The following ABCG8 variants were observed in gnomAD, a reference collection of about 807,000 sequenced individuals.
ABCG8 encodes the protein ATP-binding cassette sub-family G member 8.
In ABCG8, 81 loss-of-function variants were observed where a neutral mutation model predicts 71.3. The ratio of observed to expected loss-of-function variants is 1.14; its 90% CI spans 0.95 to 1.37. The LOEUF (loss-of-function observed/expected upper bound fraction) is 1.37, where lower values mean the gene tolerates loss of function less well. Ranked by LOEUF, ABCG8 falls within the 40% of genes most tolerant of loss-of-function variation. The probability of loss-of-function intolerance (pLI) is 0.00; values close to 1 mark genes in which losing one functional copy is unlikely to be tolerated. For missense variants in ABCG8, 1,119 were observed against 866.2 expected, an observed-to-expected ratio of 1.29 and a Z score of -3.66; for synonymous variants, 451 against 354.7, an observed-to-expected ratio of 1.27 and a Z score of -3.05.
intron 6 of ABCG8, among the ~76,000 whole-genome samples, chr2:43,862,086 T>A (rs57358917): frequency 0.046 from 6,960 of 150,110 alleles, 1 homozygote; most frequent in Middle Eastern, 0.098. Flanking sequence ...CTTACTCTCT[T>A]GGTAAAAATC....
At position 43,846,313 on chromosome 2, in the gene ABCG8, T is replaced by C. The variant is rs2104912590; in HGVS notation, c.322+2T>C. The C allele has an allele frequency of 6.2e-7, 1 of 1,614,150 alleles. No individual in the cohort carries two copies. The highest frequency in any genetic ancestry group is 8.5e-7 in the Non-Finnish European group (1 of 1,180,014). ...TGCTGGCCATCATAGGGAGCTCAGG[T>C]ACCGGAAAGGCAAATCGCTGGGCAA... is the stretch of plus-strand genomic sequence containing the variant. On this transcript the variant is annotated splice_donor_variant, in intron 3 of 12. Coordinates refer to ENST00000272286, the MANE Select transcript of ABCG8 (RefSeq NM_022437.3). LOFTEE classifies it high-confidence loss of function.
At chr2:43,843,844 A>G (rs1668655136) in intron 1 of ABCG8, among the ~76,000 whole-genome samples, 1 of 152,174 alleles carries the variant, frequency 6.6e-6, no homozygotes, top group South Asian at 2.1e-4. Flanking sequence ...CGACAATAAC[A>G]ACAACATGAT....
At chr2:43,843,150 G>A (rs1006514387) in intron 1 of ABCG8, among the ~76,000 whole-genome samples, 6 of 152,160 alleles carry the variant, frequency 3.9e-5, no homozygotes, top group Non-Finnish European at 5.9e-5. Context: ...GGTCTGTCTC[G>A]CTCCATCGTA....
chr2:43,865,471 C>T (rs895062915), intron 6 of ABCG8, among the ~76,000 whole-genome samples: 18 of 151,972 alleles, frequency 1.2e-4, no homozygotes, highest in Non-Finnish European at 2.5e-4. Context: ...TTCTCAGTCT[C>T]TGCATAGCAC....
chr2:43,864,906 G>A, intron 6 of ABCG8, among the ~76,000 whole-genome samples: 1 of 151,614 alleles, frequency 6.6e-6, no homozygotes, highest in Non-Finnish European at 1.5e-5. Context: ...CTCACTATCT[G>A]GATAGAATTG....
At chr2:43,876,242 C>T (rs534358320) in intron 11 of ABCG8, among the ~76,000 whole-genome samples, 1 of 152,218 alleles carries the variant, frequency 6.6e-6, no homozygotes, top group East Asian at 1.9e-4. Context: ...GCTCCCTCGG[C>T]CCCAGTCCAT....
At chr2:43,863,049 A>G (rs1263262885) in intron 6 of ABCG8, among the ~76,000 whole-genome samples, 1 of 147,486 alleles carries the variant, frequency 6.8e-6, no homozygotes, top group Non-Finnish European at 1.5e-5. Flanking sequence ...CTCTGTGGGT[A>G]GAACTCTTAC....
intron 1 of ABCG8, among the ~76,000 whole-genome samples, chr2:43,843,485 T>C (rs1245405837): frequency 6.6e-6 from 1 of 152,020 alleles, no homozygotes; most frequent in African/African-American, 2.4e-5. Flanking sequence ...GCCCAGGAGT[T>C]TGAGACCAAC....
intron 3 of ABCG8, chr2:43,846,990 G>GCACACACACACACACA (rs368330289): frequency 1.8e-5 from 2 of 110,838 alleles, no homozygotes; most frequent in African/African-American, 8.8e-5. Context: ...ACGCGCGCGT[G>GCACACACACACACACA]CACACACACA....
At chr2:43,849,138 T>A (rs915287928) in intron 3 of ABCG8, among the ~76,000 whole-genome samples, 10 of 152,162 alleles carry the variant, frequency 6.6e-5, no homozygotes, top group African/African-American at 2.4e-4. Flanking sequence ...GTTTATTGAT[T>A]TGGAGATTCC....
rs879649822 is a variant in ABCG8, at chr2:43,879,615, A to T, written c.*1702A>T. ...TTCTTGAGATTGACTGGGAGTTCCT[A>T]TCATGTCCTCCATAGCAAGGGGATC... On this transcript the variant is annotated 3_prime_UTR_variant, in exon 13 of 13. Transcript: ENST00000272286. The T allele has an allele frequency of 6.6e-6, 1 of 152,212 alleles. No individual in the cohort carries two copies. The highest frequency in any genetic ancestry group is 1.5e-5 in the Non-Finnish European group (1 of 68,044). The allele number at this position is 152,212 out of a possible 1,614,324, so 9.4% of individuals were successfully genotyped here.
rs1668966089 is a variant in ABCG8 at position 43,852,658 on chromosome 2, G to A, written c.754G>A (p.Val252Met). ...CGACAGCTTCACAGCCCACAACCTG[G>A]TGAAGACCTTGTCCAGGCTGGCCAA... Reference protein sequence around the residue: ...GLDSFTAHNLVKTLSRLAKGN... With the variant: ...GLDSFTAHNLMKTLSRLAKGN... The change falls in exon 6 of 13, where the codon GTG (valine) becomes ATG (methionine). Residue 252 changes from valine (V) to methionine (M), a missense_variant. Val to Met is a conservative substitution (Grantham distance 21). Transcript: ENST00000272286. 5 of 1,614,038 alleles carry A rather than the reference G, an allele frequency of 3.1e-6. No individual in the cohort carries two copies. Among genetic ancestry groups the A allele is most frequent in the Admixed American group, 1.7e-5 (1 of 59,962 alleles).
intron 6 of ABCG8, among the ~76,000 whole-genome samples, chr2:43,868,784 A>T (rs1167662097): frequency 6.6e-6 from 1 of 152,128 alleles, no homozygotes; most frequent in Non-Finnish European, 1.5e-5. Context: ...ATGTATCTGG[A>T]TAGAATTGTC....
At chr2:43,876,624 A>T (rs1669966134) in intron 11 of ABCG8, among the ~76,000 whole-genome samples, 1 of 149,442 alleles carries the variant, frequency 6.7e-6, no homozygotes, top group African/African-American at 2.5e-5. Flanking sequence ...AGACTGTGAG[A>T]ATATGGGGAG....
chr2:43,853,081 C>T (rs1453635680), intron 6 of ABCG8, among the ~76,000 whole-genome samples: 1 of 152,116 alleles, frequency 6.6e-6, no homozygotes, highest in Non-Finnish European at 1.5e-5. Flanking sequence ...AAAGAGCTAC[C>T]CTTCTGTGCA....
At position 43,852,872 on chromosome 2, in the gene ABCG8, A is replaced by C; in HGVS notation, c.964+4A>C. On this transcript the variant is annotated splice_donor_region_variant and intron_variant, in intron 6 of 12. Transcript: ENST00000272286. ...AGCAATCCTGCTGACTTCTATGGTGAGTCCCCAAGGCCAGCAGCCAGGGCC... is the reference window on the plus strand; with the variant it reads ...AGCAATCCTGCTGACTTCTATGGTGCGTCCCCAAGGCCAGCAGCCAGGGCC... 1 of 1,613,908 alleles carries C rather than the reference A, an allele frequency of 6.2e-7. No individual in the cohort carries two copies. Among genetic ancestry groups the C allele is most frequent in the South Asian group, 1.1e-5 (1 of 91,072 alleles).
intron 3 of ABCG8, among the ~76,000 whole-genome samples, chr2:43,848,830 A>C (rs1668823857): frequency 6.6e-6 from 1 of 151,940 alleles, no homozygotes; most frequent in African/African-American, 2.4e-5. Context: ...AGCCTGGCCA[A>C]CATGGTGAAA....
chr2:43,874,445 G>C lies in ABCG8; in HGVS notation c.1450G>C (p.Asp484His), dbSNP rs747856239. 1 of 1,613,984 alleles carries C rather than the reference G, an allele frequency of 6.2e-7. No individual in the cohort carries two copies. Among genetic ancestry groups the C allele is most frequent in the East Asian group, 2.2e-5 (1 of 44,856 alleles). ...ERAMLYYELE[D>H]GLYTTGPYFF... is the part of the protein sequence containing the mutation. ...GGCAATGCTTTACTATGAACTGGAA[G>C]ACGGGCTGTACACCACTGGTCCATA... The change falls in exon 10 of 13, where the codon GAC (aspartate) becomes CAC (histidine). Residue 484 changes from aspartate (D) to histidine (H), a missense_variant. By Grantham distance (81) the Asp-to-His change is moderately conservative (BLOSUM62 -1). Transcript: ENST00000272286.
At chr2:43,846,057 G>A (rs763278274) in intron 2 of ABCG8, 98 bp from the exon 3 acceptor site, 4 of 1,341,176 alleles carry the variant, frequency 3.0e-6, no homozygotes, top group South Asian at 2.4e-5. Context: ...ATCCTCTGTG[G>A]AGAGGGGCCA....
Sources: allele counts gnomAD v4.1 joint callset (sites outside exome capture counted in the v4.1 genomes callset), GRCh38; gene constraint gnomAD v4.1.1; transcripts MANE v1.5; gene names NCBI Gene and HGNC (gene_info 2026-07-23, HGNC 2026-07-21).